SMYD3: variants seen among roughly 807,000 people sequenced by gnomAD.
SMYD3 encodes the protein SET and MYND domain containing 3.
In SMYD3, 36 loss-of-function variants were observed where a neutral mutation model predicts 57.7. The ratio of observed to expected loss-of-function variants is 0.62; its 90% CI spans 0.48 to 0.82. SMYD3 has a LOEUF of 0.82. SMYD3 is among the 40% of genes least tolerant of loss of function. The probability of loss-of-function intolerance (pLI) is 0.00; values close to 1 mark genes in which losing one functional copy is unlikely to be tolerated. For synonymous variants in SMYD3, 211 were observed against 195.0 expected, an observed-to-expected ratio of 1.08 and a Z score of -0.68; for missense variants, 515 against 538.8, an observed-to-expected ratio of 0.96 and a Z score of 0.44.
chr1:245,810,438 A>T (rs2069206), intron 10 of SMYD3, among the ~76,000 whole-genome samples: 1 of 152,040 alleles, frequency 6.6e-6, no homozygotes, highest in Non-Finnish European at 1.5e-5. Context: ...AACTCTAAGC[A>T]TCCTTGTACA....
intron 10 of SMYD3, among the ~76,000 whole-genome samples, chr1:245,832,497 TTG>T (rs1325371614): frequency 8.9e-6 from 1 of 112,052 alleles, no homozygotes; most frequent in East Asian, 2.5e-4. Context: ...TTTTTTTTTT[TTG>T]AGAGTTGAGG....
chr1:245,812,873 AGACTACTGTG>A (rs1023192540), intron 10 of SMYD3, among the ~76,000 whole-genome samples: 5 of 151,850 alleles, frequency 3.3e-5, no homozygotes, highest in Non-Finnish European at 7.4e-5. Flanking sequence ...GGAAAAATAC[AGACTACTGTG>A]GGTGAGTAAA....
Position 246,202,701 on chromosome 1 carries a change from A to G in SMYD3, c.531+124500T>C, listed in dbSNP as rs995224985. On this transcript the variant is annotated intron_variant, in intron 5 of 11. Transcript: ENST00000490107. This position sits in a 1 kb window ranked among gnomAD's most constrained non-coding sequence, Gnocchi z 4.1. Reference sequence around the variant, plus strand: ...ACGCTAGCTAACAAAATATACTCCAAATCCTTTTCCATTCAATACATTATG... The same window carrying G: ...ACGCTAGCTAACAAAATATACTCCAGATCCTTTTCCATTCAATACATTATG... Among the ~76,000 whole-genome samples, 16 of 152,300 alleles carry G rather than the reference A, an allele frequency of 1.1e-4. No individual in the cohort carries two copies. Among genetic ancestry groups the G allele is most frequent in the African/African-American group, 3.8e-4 (16 of 41,572 alleles).
chr1:245,921,547 GTGTATATATATA>G (rs1348004891), intron 7 of SMYD3, among the ~76,000 whole-genome samples: 2 of 35,088 alleles, frequency 5.7e-5, no homozygotes, highest in Admixed American at 7.8e-4. Flanking sequence ...AAAAAATGTG[GTGTATATATATA>G]TATATATATA....
intron 5 of SMYD3, among the ~76,000 whole-genome samples, chr1:246,138,107 G>A (rs891588699): frequency 4.6e-5 from 7 of 152,048 alleles, no homozygotes; most frequent in Non-Finnish European, 8.8e-5. Context: ...AATATAGTAT[G>A]TATGTCTTAC....
chr1:245,938,629 A>T (rs528183930), intron 5 of SMYD3, among the ~76,000 whole-genome samples: 1 of 152,154 alleles, frequency 6.6e-6, no homozygotes, highest in East Asian at 1.9e-4. Context: ...AGTAGCTCAT[A>T]ATTCTTCCCC....
chr1:245,807,792 C>A (rs2048261305), intron 10 of SMYD3, among the ~76,000 whole-genome samples: 1 of 147,264 alleles, frequency 6.8e-6, no homozygotes, highest in African/African-American at 2.5e-5. Flanking sequence ...CTCAAGAGCC[C>A]AGAGTTTGTA....
chr1:246,378,838 T>TTATATATAATATATTTATATATTATATA (rs2066336495), intron 1 of SMYD3, among the ~76,000 whole-genome samples: 1 of 117,614 alleles, frequency 8.5e-6, no homozygotes, highest in African/African-American at 3.3e-5. Flanking sequence ...GTATATATAA[T>TTATATATAATATATTTATATATTATATA]TATATATAAT....
Position 246,363,150 on chromosome 1 carries a change from C to T in SMYD3, c.165-8056G>A, listed in dbSNP as rs1230698774. Among the ~76,000 whole-genome samples, 451 of 151,202 alleles carry T rather than the reference C, an allele frequency of 3.0e-3. 3 individuals carry two copies. Among genetic ancestry groups the T allele is most frequent in the African/African-American group, 0.01 (430 of 41,242 alleles). On this transcript the variant is annotated intron_variant, in intron 1 of 11. Coordinates refer to ENST00000490107, the MANE Select transcript of SMYD3 (RefSeq NM_001167740.2). ...GTGAGGAGCCCCTCCGCCCGGCAGCCGCCCCGTCTGAGAAGTGAGGAGCCC... is the reference window on the plus strand; with the variant it reads ...GTGAGGAGCCCCTCCGCCCGGCAGCTGCCCCGTCTGAGAAGTGAGGAGCCC...
intron 8 of SMYD3, among the ~76,000 whole-genome samples, chr1:245,877,692 TC>T (rs1250747831): frequency 6.6e-6 from 1 of 152,158 alleles, no homozygotes; most frequent in Non-Finnish European, 1.5e-5. Context: ...GCATCTGGCT[TC>T]AGTGGCTGAG....
chr1:245,910,564 T>A (rs997308593), intron 8 of SMYD3, among the ~76,000 whole-genome samples: 5 of 151,982 alleles, frequency 3.3e-5, no homozygotes, highest in African/African-American at 1.2e-4. Flanking sequence ...AGCATGGTAC[T>A]AGCATAAAAA....
At chr1:245,812,528 C>T (rs1020147332) in intron 10 of SMYD3, among the ~76,000 whole-genome samples, 2 of 152,120 alleles carry the variant, frequency 1.3e-5, no homozygotes, top group Non-Finnish European at 2.9e-5. Context: ...TTGTGACCAA[C>T]GTCACCAGGG....
Position 246,506,995 on chromosome 1 carries a change from C to CG in SMYD3, c.164+58_164+59insC, listed in dbSNP as rs1458839297. 4 of 825,398 alleles carry CG rather than the reference C, an allele frequency of 4.8e-6. No individual in the cohort carries two copies. In the African/African-American group the frequency reaches 8.0e-5, roughly 16 times the overall value. The allele number at this position is 825,398 out of a possible 1,614,324, so 51.1% of individuals were successfully genotyped here. A position where few individuals can be genotyped will look rare whatever the true frequency, so the allele number is the denominator to read the frequency against. On this transcript the variant is annotated intron_variant, in intron 1 of 11. Coordinates refer to ENST00000490107, the MANE Select transcript of SMYD3 (RefSeq NM_001167740.2). ...CGGCTGCCGGCCGCCCGACGCCCCC[C>CG]CCTCCCCAGCACCCCACACAGCTCG...
intron 10 of SMYD3, among the ~76,000 whole-genome samples, chr1:245,777,758 A>G (rs2148124841): frequency 6.6e-6 from 1 of 152,330 alleles, no homozygotes; most frequent in Admixed American, 6.5e-5. Flanking sequence ...AAGAAAAAGA[A>G]TAAGACACTA....
Position 246,179,623 on chromosome 1 carries a change from A to C in SMYD3, c.531+147578T>G, listed in dbSNP as rs181950738. Among the ~76,000 whole-genome samples the C allele has an allele frequency of 2.3e-3, 343 of 152,284 alleles. 1 individual carries two copies. The highest frequency in any genetic ancestry group is 2.8e-3 in the Non-Finnish European group (192 of 68,026). On this transcript the variant is annotated intron_variant, in intron 5 of 11. Transcript: ENST00000490107. ...CTTTGGGAAATGTAATAGCAAGAAA[A>C]ACATCTTTTAAAAGTGCTGGAGTGA...
At chr1:246,221,104 C>T (rs1260908105) in intron 5 of SMYD3, among the ~76,000 whole-genome samples, 3 of 152,040 alleles carry the variant, frequency 2.0e-5, no homozygotes, top group African/African-American at 7.3e-5. Context: ...CTCCTCTCTG[C>T]CAAGAGCTGG....
At chr1:246,414,729 T>TTC (rs1305926085) in intron 1 of SMYD3, among the ~76,000 whole-genome samples, 2 of 148,520 alleles carry the variant, frequency 1.3e-5, no homozygotes, top group Non-Finnish European at 3.0e-5. Flanking sequence ...TTTTTTTTTT[T>TTC]TTTTTTGAGA....
intron 5 of SMYD3, among the ~76,000 whole-genome samples, chr1:246,121,004 A>G (rs899418562): frequency 6.6e-6 from 1 of 152,222 alleles, no homozygotes; most frequent in African/African-American, 2.4e-5. Flanking sequence ...ACGTTGCTAC[A>G]GTGGGGATAC....
intron 5 of SMYD3, among the ~76,000 whole-genome samples, chr1:246,324,193 T>C (rs1044972120): frequency 1.3e-5 from 2 of 152,022 alleles, no homozygotes; most frequent in East Asian, 3.9e-4. Flanking sequence ...GGCGGGCGGA[T>C]CATCCGAGGT....
Sources: gnomAD v4.1 joint callset for allele counts (sites outside exome capture counted in the v4.1 genomes callset) on GRCh38, gnomAD v4.1.1 for gene constraint, Gnocchi (gnomAD v3.1) non-coding constraint, MANE v1.5 for transcripts, NCBI Gene and HGNC (gene_info 2026-07-23, HGNC 2026-07-21) for gene names.